TMPRSS9: variants seen among roughly 807,000 people sequenced by gnomAD.
TMPRSS9 encodes the protein transmembrane protease serine 9.
In TMPRSS9, 113 loss-of-function variants were observed where a neutral mutation model predicts 111.4. The observed-to-expected ratio is 1.01, with a 90% CI of 0.87 to 1.19. The LOEUF (loss-of-function observed/expected upper bound fraction) is 1.19. Ranked by LOEUF, TMPRSS9 falls within the 50% of genes most tolerant of loss-of-function variation. The probability of loss-of-function intolerance (pLI) is 0.00; values close to 1 mark genes in which losing one functional copy is unlikely to be tolerated. For missense variants in TMPRSS9, 1,803 were observed against 1,513.1 expected (o/e 1.19, Z -3.18); for synonymous variants, 805 against 659.1 (o/e 1.22, Z -3.39).
At position 2,401,007 on chromosome 19, in the gene TMPRSS9, G is replaced by A. The variant is rs1040328101; in HGVS notation, c.515-968G>A. ...AAAAAAAAAATGGCCGGGCGCGGTG[G>A]CTTACGCCTGTAATCCCAGCACTTT... is the stretch of plus-strand genomic sequence containing the variant. On this transcript the variant is annotated intron_variant, in intron 4 of 17. Coordinates refer to ENST00000648592, the Ensembl canonical transcript of TMPRSS9. 4.6e-5 allele frequency among the ~76,000 whole-genome samples: 7 copies of A among 151,270 alleles called. No individual in the cohort carries two copies. The Admixed American group carries it at 4.6e-4, about 10-fold the overall frequency.
chr19:2,361,270 G>A lies in TMPRSS9; in HGVS notation c.-26+910G>A, dbSNP rs1328675560. On this transcript the variant is annotated intron_variant, in intron 1 of 17. Coordinates refer to the TMPRSS9 transcript ENST00000649857. ...CTGGGGTAGGGTGCAGGGTTGGGAT[G>A]GGGTGGGGTGCTGGGATGGGTTGGT... Among the ~76,000 whole-genome samples the A allele has an allele frequency of 2.3e-4, 22 of 96,084 alleles. 1 individual carries two copies. In the South Asian group the frequency reaches 9.2e-3, roughly 40 times the overall value. The allele number at this position is 96,084 out of a possible 152,430, so 63.0% of individuals were successfully genotyped here.
intron 1 of TMPRSS9, among the ~76,000 whole-genome samples, chr19:2,382,680 TAC>T (rs36192234): frequency 6.7e-6 from 1 of 149,290 alleles, no homozygotes; most frequent in Non-Finnish European, 1.5e-5. Flanking sequence ...CGTGCACACA[TAC>T]ACACATGCAC....
At chr19:2,381,930 C>T (rs1229978298) in intron 1 of TMPRSS9, among the ~76,000 whole-genome samples, 1 of 152,222 alleles carries the variant, frequency 6.6e-6, no homozygotes, top group Non-Finnish European at 1.5e-5. Context: ...GCAACCTCCA[C>T]CTCCTGGGTT....
At chr19:2,390,302 G>A (rs1029375970) in intron 1 of TMPRSS9, among the ~76,000 whole-genome samples, 36 of 92,862 alleles carry the variant, frequency 3.9e-4, no homozygotes, top group African/African-American at 1.3e-3. Context: ...GTGCAGTGGT[G>A]TGATATCTCG....
downstream of TMPRSS9, chr19:2,426,261 A>G: frequency 2.9e-6 from 1 of 349,882 alleles, no homozygotes; most frequent in Non-Finnish European, 4.2e-6. Flanking sequence ...CCTCCACCCT[A>G]GCTCACTGGC....
At chr19:2,396,814 G>C (rs1970720653) in intron 2 of TMPRSS9, 148 bp downstream of exon 3, 1 of 1,232,716 alleles carries the variant, frequency 8.1e-7, no homozygotes, top group Admixed American at 2.6e-5. Context: ...AGGCCAGGGG[G>C]CGGGCAGGAC....
intron 1 of TMPRSS9, among the ~76,000 whole-genome samples, chr19:2,369,956 C>T (rs1970276114): frequency 1.3e-5 from 2 of 152,122 alleles, no homozygotes; most frequent in African/African-American, 4.8e-5. Context: ...GCCTGTAATC[C>T]CAGCACTTTG....
chr19:2,422,272 C>A lies in TMPRSS9; in HGVS notation c.2548+25C>A, dbSNP rs1599318779. The stretch of plus-strand genomic sequence containing the variant: ...GGTACCGGGAGAGACGGAGGGATCC[C>A]TGGGAGTGGAGGGTCCCATGTTAAT... On this transcript the variant is annotated intron_variant, in intron 14 of 17. Coordinates refer to ENST00000648592, the Ensembl canonical transcript of TMPRSS9. 1.7e-5 allele frequency: 25 copies of A among 1,494,036 alleles called. No individual in the cohort carries two copies. The East Asian group carries it at 5.8e-4, about 35-fold the overall frequency. The allele number at this position is 1,494,036 out of a possible 1,614,324, so 92.5% of individuals were successfully genotyped here. A position where few individuals can be genotyped will look rare whatever the true frequency, so the allele number is the denominator to read the frequency against.
chr19:2,370,222 A>T (rs1311563267), intron 1 of TMPRSS9, among the ~76,000 whole-genome samples: 4 of 151,510 alleles, frequency 2.6e-5, no homozygotes, highest in African/African-American at 9.7e-5. Flanking sequence ...ATATATACAC[A>T]TCCTGGCTAA....
chr19:2,410,221 G>A (rs779622940), intron 8 of TMPRSS9, 37 bp from the exon 10 acceptor site: 1 of 1,608,584 alleles, frequency 6.2e-7, no homozygotes, highest in East Asian at 2.2e-5. Context: ...CAGGGCTCCG[G>A]CACTCTCACC....
At chr19:2,396,361 G>C (rs1970705557) in intron 1 of TMPRSS9, 178 bp from the exon 3 acceptor site, 1 of 667,872 alleles carries the variant, frequency 1.5e-6, no homozygotes, top group Non-Finnish European at 2.2e-6. Flanking sequence ...TGGGAATTGA[G>C]GGAGAGCCCT....
chr19:2,382,129 C>T (rs1970392618), intron 1 of TMPRSS9, among the ~76,000 whole-genome samples: 1 of 152,208 alleles, frequency 6.6e-6, no homozygotes, highest in Admixed American at 6.6e-5. Flanking sequence ...GCATGAGCCA[C>T]AGCACCCAGC....
chr19:2,388,722 G>A (rs527729871), upstream of TMPRSS9, among the ~76,000 whole-genome samples: 1 of 152,252 alleles, frequency 6.6e-6, no homozygotes, highest in African/African-American at 2.4e-5. Context: ...CTGGGCTCAA[G>A]TGATCCTCCT....
intron 1 of TMPRSS9, among the ~76,000 whole-genome samples, chr19:2,379,668 T>G (rs1568170874): frequency 6.7e-6 from 1 of 149,460 alleles, no homozygotes; most frequent in Non-Finnish European, 1.5e-5. Flanking sequence ...TTTCTTTCTT[T>G]CTTTCTTTCT....
At chr19:2,401,071 G>A (rs544205677) in intron 4 of TMPRSS9, among the ~76,000 whole-genome samples, 3 of 150,030 alleles carry the variant, frequency 2.0e-5, no homozygotes, top group Non-Finnish European at 3.0e-5. Flanking sequence ...TCAGGAGATC[G>A]AGACCATCCT....
intron 1 of TMPRSS9, among the ~76,000 whole-genome samples, chr19:2,381,596 C>T (rs12982388): frequency 6.6e-6 from 1 of 151,508 alleles, no homozygotes; most frequent in African/African-American, 2.4e-5. Context: ...CCTCGCTCCA[C>T]GCTGCCCCTG....
At chr19:2,425,486 G>T in exon 17 of TMPRSS9, 1 of 1,582,488 alleles carries the variant, frequency 6.3e-7, no homozygotes. Flanking sequence ...GGCGTGGACA[G>T]CTGCTCGGTG....
chr19:2,393,581 A>G (rs901239547), intron 1 of TMPRSS9, among the ~76,000 whole-genome samples: 9 of 152,186 alleles, frequency 5.9e-5, no homozygotes, highest in Admixed American at 5.9e-4. Context: ...ACATGGGGAA[A>G]CCCTGTCTCT....
chr19:2,371,536 GA>G (rs5826763), intron 1 of TMPRSS9, among the ~76,000 whole-genome samples: 27,605 of 149,656 alleles, frequency 0.18, 3,856 homozygotes, highest in African/African-American at 0.38. Context: ...AAATACAAAA[GA>G]AAAAAAAAAT....
Sources: allele counts gnomAD v4.1 joint callset (sites outside exome capture counted in the v4.1 genomes callset), GRCh38; gene constraint gnomAD v4.1.1; transcripts MANE v1.5; gene names NCBI Gene and HGNC (gene_info 2026-07-23, HGNC 2026-07-21).